Variants in COL1A2 observed in about 807,000 individuals in gnomAD.
The protein encoded by COL1A2 is collagen type I alpha 2 chain, also known as collagen alpha-2(I) chain.
Under a neutral mutation model 174.3 loss-of-function variants are expected in COL1A2, and 49 were observed. That is an observed-to-expected ratio of 0.28 (90% confidence interval 0.22 to 0.36). The LOEUF (loss-of-function observed/expected upper bound fraction) is 0.36, where lower values mean the gene tolerates loss of function less well. Ranked by LOEUF, COL1A2 falls within the 10% of genes least tolerant of loss-of-function variation. The pLI is 1.00. For synonymous variants in COL1A2, 655 were observed against 606.6 expected (o/e 1.08, Z -1.17); for missense variants, 1,438 against 1,822.7 (o/e 0.79, Z 3.84).
chr7:94,410,842 G>T, intron 21 of COL1A2, 47 bp from the exon 22 acceptor site: 1 of 1,591,370 alleles, frequency 6.3e-7, no homozygotes, highest in South Asian at 1.1e-5. Flanking sequence ...CCTTATCAAA[G>T]CCAAGAGATT....
chr7:94,406,355 A>G (rs781531353), intron 12 of COL1A2, 52 bp downstream of exon 12: 1 of 1,546,928 alleles, frequency 6.5e-7, no homozygotes, highest in Non-Finnish European at 8.9e-7. Flanking sequence ...GAAATTCCCC[A>G]TGACCTCCAA....
At chr7:94,428,023 T>C in intron 49 of COL1A2, 138 bp downstream of exon 49, 1 of 1,024,362 alleles carries the variant, frequency 9.8e-7, no homozygotes, top group East Asian at 2.6e-5. Context: ...TAATGGAGCG[T>C]CATCTTCTCC....
chr7:94,411,031 C>T (rs946511384), intron 22 of COL1A2, 25 bp from the exon 23 acceptor site: 39 of 1,509,502 alleles, frequency 2.6e-5, no homozygotes, highest in Non-Finnish European at 3.6e-5. Flanking sequence ...CCTCCTCTAT[C>T]TGTTTTTTTT....
chr7:94,407,677 G>C (rs1791830340), intron 12 of COL1A2, among the ~76,000 whole-genome samples, 170 bp from the exon 13 acceptor site: 1 of 152,068 alleles, frequency 6.6e-6, no homozygotes. Context: ...ACTCATGTTA[G>C]CACATTTTAA....
Position 94,409,627 on chromosome 7 carries a change from C to G in COL1A2, c.936+19C>G, listed in dbSNP as rs1346639617. On this transcript the variant is annotated intron_variant, in intron 18 of 51. Coordinates refer to ENST00000297268, the MANE Select transcript of COL1A2 (RefSeq NM_000089.4). The stretch of plus-strand genomic sequence containing the variant: ...TGCTGCTGTGAGTATACCTGCGTAG[C>G]TAAAATGTGCTGCTATGATTTTAAA... 3 of 1,613,950 alleles carry G rather than the reference C, an allele frequency of 1.9e-6. No individual in the cohort carries two copies. The highest frequency in any genetic ancestry group is 2.5e-6 in the Non-Finnish European group (3 of 1,179,964).
chr7:94,404,500 C>T lies in COL1A2; in HGVS notation c.280-56C>T, dbSNP rs559770992. 3.6e-5 allele frequency: 57 copies of T among 1,586,616 alleles called. 1 individual carries two copies. The Admixed American group carries it at 7.2e-4, about 20-fold the overall frequency. On this transcript the variant is annotated intron_variant, in intron 6 of 51. Coordinates refer to ENST00000297268, the MANE Select transcript of COL1A2 (RefSeq NM_000089.4). The stretch of plus-strand genomic sequence containing the variant: ...CTAAGTTGGTCATATCTGACCCCAG[C>T]CAACACCATGACAACTTATCAGTGC...
At chr7:94,404,914 C>T in intron 9 of COL1A2, 22 bp downstream of exon 9, 1 of 1,613,120 alleles carries the variant, frequency 6.2e-7, no homozygotes, top group South Asian at 1.1e-5. Flanking sequence ...CTCTTAAGCA[C>T]TTTCAAAATG....
chr7:94,422,828 C>A, intron 39 of COL1A2, 129 bp from the exon 40 acceptor site: 1 of 1,126,724 alleles, frequency 8.9e-7, no homozygotes, highest in Non-Finnish European at 1.3e-6. Flanking sequence ...TAAATATTTC[C>A]CCCAAATGGC....
At chr7:94,426,881 T>C (rs1584330620) in intron 46 of COL1A2, 127 bp from the exon 47 acceptor site, 3 of 846,298 alleles carry the variant, frequency 3.5e-6, no homozygotes. Flanking sequence ...AGCCCCACTT[T>C]ACATTTTCAA....
intron 4 of COL1A2, 115 bp downstream of exon 4, chr7:94,399,199 C>A: frequency 1.1e-6 from 1 of 914,192 alleles, no homozygotes; most frequent in Non-Finnish European, 1.8e-6. Context: ...ATTGTACACC[C>A]CTTTAAACAG....
At chr7:94,417,435 C>T (rs1792064500) in intron 31 of COL1A2, 1 of 432,786 alleles carries the variant, frequency 2.3e-6, no homozygotes, top group South Asian at 2.2e-5. Context: ...CTCTGCTTCC[C>T]ATTGTCCTAT....
intron 2 of COL1A2, 43 bp from the exon 3 acceptor site, chr7:94,398,338 TA>T (rs767354366): frequency 3.5e-5 from 25 of 713,304 alleles, no homozygotes; most frequent in Non-Finnish European, 5.4e-5. Context: ...TAAATATATA[TA>T]TACAATTTTC....
At chr7:94,420,146 T>A in intron 34 of COL1A2, 87 bp from the exon 35 acceptor site, 1 of 1,560,370 alleles carries the variant, frequency 6.4e-7, no homozygotes, top group Non-Finnish European at 8.8e-7. Flanking sequence ...ACAGACTCTG[T>A]CTGTCCACCA....
At position 94,425,670 on chromosome 7, in the gene COL1A2, A is replaced by G. The variant is rs1273476912; in HGVS notation, c.2835+7A>G. 1 of 1,614,166 alleles carries G rather than the reference A, an allele frequency of 6.2e-7. No individual in the cohort carries two copies. The highest frequency in any genetic ancestry group is 2.2e-5 in the East Asian group (1 of 44,874). ...TGGTCAACCCGGACACAAGGTCAGT[A>G]CACTTTTCATCTTTCTCTAATTCAA... On this transcript the variant is annotated splice_region_variant and intron_variant, in intron 43 of 51. Coordinates refer to ENST00000297268, the MANE Select transcript of COL1A2 (RefSeq NM_000089.4).
chr7:94,398,868 T>C (rs1038789689), intron 3 of COL1A2, among the ~76,000 whole-genome samples, 181 bp from the exon 4 acceptor site: 3 of 152,132 alleles, frequency 2.0e-5, no homozygotes, highest in African/African-American at 7.2e-5. Flanking sequence ...AAAAATTACG[T>C]ATAATTACAA....
At chr7:94,422,344 A>T (rs1200505708) in intron 39 of COL1A2, 1 of 164,900 alleles carries the variant, frequency 6.1e-6, no homozygotes, top group East Asian at 1.7e-4. Flanking sequence ...TTTAATTCTG[A>T]TTCAGACTCT....
intron 19 of COL1A2, 120 bp from the exon 20 acceptor site, chr7:94,410,122 C>T (rs931215788): frequency 7.9e-5 from 78 of 993,246 alleles, no homozygotes; most frequent in Non-Finnish European, 1.2e-4. Flanking sequence ...GAACAGGGTA[C>T]ATTTCCTAGA....
Position 94,409,424 on chromosome 7 carries a change from A to C in COL1A2, c.891+4A>C. ...CTCCGGCCCCGTTGGACCTCCTGTAAGTAGCCACTGTCTTTAAACTTTATT... is the reference window on the plus strand; with the variant it reads ...CTCCGGCCCCGTTGGACCTCCTGTACGTAGCCACTGTCTTTAAACTTTATT... On this transcript the variant is annotated splice_donor_region_variant and intron_variant, in intron 17 of 51. Coordinates refer to ENST00000297268, the MANE Select transcript of COL1A2 (RefSeq NM_000089.4). The C allele has an allele frequency of 6.2e-7, 1 of 1,614,050 alleles. No homozygotes were observed. The highest frequency in any genetic ancestry group is 1.1e-5 in the South Asian group (1 of 91,076).
At position 94,416,731 on chromosome 7, in the gene COL1A2, A is replaced by G. The variant is rs1792049738; in HGVS notation, c.1863+228A>G. 7 of 560,420 alleles carry G rather than the reference A, an allele frequency of 1.2e-5. No homozygotes were observed. In the South Asian group the frequency reaches 1.5e-4, roughly 12 times the overall value. 34.7% of individuals were successfully genotyped at this position (560,420 alleles called of 1,614,324 possible). On this transcript the variant is annotated intron_variant, in intron 31 of 51. Transcript: ENST00000297268. ...AAAATTCAGAGTTCCCAAAACATAA[A>G]TGAATTAGTATGGGTTGTCACTCTT...
Sources: gnomAD v4.1 joint callset for allele counts (sites outside exome capture counted in the v4.1 genomes callset) on GRCh38, gnomAD v4.1.1 for gene constraint, MANE v1.5 for transcripts, NCBI Gene and HGNC (gene_info 2026-07-23, HGNC 2026-07-21) for gene names.